NCOA1: variants seen among roughly 807,000 people sequenced by gnomAD.
The protein encoded by NCOA1 is Hin-2 protein.
NCOA1 carries 35 observed loss-of-function variants against 150.9 expected under a neutral mutation model. The ratio of observed to expected loss-of-function variants is 0.23; its 90% CI spans 0.18 to 0.31. The LOEUF is 0.31. Among genes scored for constraint, NCOA1 ranks in the 10% least tolerant of loss-of-function variants. The pLI, the probability that NCOA1 is intolerant of heterozygous loss-of-function variation, is 1.00. For synonymous variants in NCOA1, 590 were observed against 630.0 expected, an observed-to-expected ratio of 0.94 and a Z score of 0.95; for missense variants, 1,491 against 1,749.3, an observed-to-expected ratio of 0.85 and a Z score of 2.63.
intron 11 of NCOA1, among the ~76,000 whole-genome samples, chr2:24,703,208 A>G (rs1673251334): frequency 6.6e-6 from 1 of 152,214 alleles, no homozygotes; most frequent in South Asian, 2.1e-4. Flanking sequence ...CTTGTAAATG[A>G]CAGTGAGAGG....
In NCOA1 at chr2:24,759,781, G is replaced by C. The variant is rs1664689123; in HGVS notation, c.4065+1625G>C. On this transcript the variant is annotated intron_variant, in intron 21 of 22. Coordinates refer to ENST00000348332, the MANE Select transcript of NCOA1 (RefSeq NM_003743.5). ...ACATGAGGTGATATATGTATGTATA[G>C]AGGTATAATATAATGTATAGAGGTA... 2.0e-5 allele frequency among the ~76,000 whole-genome samples: 3 copies of C among 151,882 alleles called. No homozygotes were observed. In the South Asian group the frequency reaches 6.2e-4, roughly 32 times the overall value.
chr2:24,733,275 C>G (rs148895185), intron 17 of NCOA1, among the ~76,000 whole-genome samples: 94 of 152,218 alleles, frequency 6.2e-4, no homozygotes, highest in Middle Eastern at 3.4e-3. Context: ...TGCCTTAAAT[C>G]CTATTAAATA....
At chr2:24,735,267 T>G (rs574659339) in intron 17 of NCOA1, among the ~76,000 whole-genome samples, 3 of 152,178 alleles carry the variant, frequency 2.0e-5, no homozygotes, top group Non-Finnish European at 4.4e-5. Flanking sequence ...AAAGGACTAG[T>G]GTCCAGAATA....
intron 3 of NCOA1, among the ~76,000 whole-genome samples, chr2:24,615,018 T>C (rs1337757134): frequency 6.6e-6 from 1 of 152,226 alleles, no homozygotes; most frequent in African/African-American, 2.4e-5. Flanking sequence ...TTCAAGTTTA[T>C]ATAGCTAGTG....
intron 7 of NCOA1, chr2:24,676,363 C>T (rs992383468): frequency 6.6e-6 from 1 of 152,232 alleles, no homozygotes; most frequent in African/African-American, 2.4e-5. Flanking sequence ...AGAAGATTAT[C>T]ATGGCCTCTG....
intron 14 of NCOA1, among the ~76,000 whole-genome samples, chr2:24,719,793 A>G (rs1674266604): frequency 6.6e-6 from 1 of 152,142 alleles, no homozygotes; most frequent in Non-Finnish European, 1.5e-5. Context: ...CCAGAGAAGA[A>G]ATGAATTGAT....
intron 14 of NCOA1, among the ~76,000 whole-genome samples, chr2:24,716,308 A>G (rs966766539): frequency 5.3e-5 from 8 of 152,118 alleles, no homozygotes; most frequent in South Asian, 2.1e-4. Flanking sequence ...TAATACTTCT[A>G]TAAAGCACCA....
chr2:24,492,343 C>T (rs573718358), intron 1 of NCOA1, among the ~76,000 whole-genome samples: 1 of 152,288 alleles, frequency 6.6e-6, no homozygotes, highest in African/African-American at 2.4e-5. Flanking sequence ...AGAATTCGGG[C>T]CGCTCTCTAG....
At chr2:24,528,706 CA>C (rs1421545507) in intron 1 of NCOA1, among the ~76,000 whole-genome samples, 1 of 151,968 alleles carries the variant, frequency 6.6e-6, no homozygotes, top group Non-Finnish European at 1.5e-5. Context: ...TTAATAGATG[CA>C]AAAGAATGTA....
chr2:24,707,763 A>C lies in NCOA1; in HGVS notation c.2293A>C (p.Asn765His), dbSNP rs779928491. 1.1e-5 allele frequency: 18 copies of C among 1,614,208 alleles called. No individual in the cohort carries two copies. Among genetic ancestry groups the C allele is most frequent in the Non-Finnish European group, 1.2e-5 (14 of 1,180,036 alleles). Residue 765 changes from asparagine to histidine, a missense_variant, in exon 13 of 23, where the codon AAC becomes CAC. Around this residue, in one of 8 missense-constraint regions of NCOA1, gnomAD observed 703 missense variants for 717.7 expected, o/e 0.98. Transcript: ENST00000348332. Reference sequence around the variant, plus strand: ...TGAGAAAGATTTAAGATCAACTCCAAACCTGAGCCTGGATGATGTAAAGGT... The same window carrying C: ...TGAGAAAGATTTAAGATCAACTCCACACCTGAGCCTGGATGATGTAAAGGT... Reference protein sequence around the residue: ...KDEKDLRSTPNLSLDDVKVKV... With the variant: ...KDEKDLRSTPHLSLDDVKVKV...
chr2:24,603,463 T>A (rs1416219262), intron 3 of NCOA1, among the ~76,000 whole-genome samples: 1 of 152,246 alleles, frequency 6.6e-6, no homozygotes, highest in Non-Finnish European at 1.5e-5. Context: ...CAGTATATCT[T>A]CTTTCAAAAT....
chr2:24,717,636 A>G (rs1350793469), intron 14 of NCOA1, among the ~76,000 whole-genome samples: 1 of 152,194 alleles, frequency 6.6e-6, no homozygotes, highest in African/African-American at 2.4e-5. Context: ...TGTGTATGCA[A>G]TGACATGTAT....
At chr2:24,746,761 C>T (rs1663941244) in intron 19 of NCOA1, among the ~76,000 whole-genome samples, 1 of 152,162 alleles carries the variant, frequency 6.6e-6, no homozygotes, top group Non-Finnish European at 1.5e-5. Context: ...TGAAACCACT[C>T]TCTATGATAC....
At chr2:24,538,570 A>G (rs1665261625) in intron 1 of NCOA1, among the ~76,000 whole-genome samples, 1 of 152,202 alleles carries the variant, frequency 6.6e-6, no homozygotes, top group Non-Finnish European at 1.5e-5. Flanking sequence ...TTCTCTTAAA[A>G]TCTTTTCCAG....
chr2:24,557,505 C>T (rs1258746035), intron 1 of NCOA1, among the ~76,000 whole-genome samples: 2 of 151,292 alleles, frequency 1.3e-5, no homozygotes, highest in African/African-American at 2.4e-5. Flanking sequence ...CCTCCTCCTG[C>T]TCCTCCTCCT....
chr2:24,521,639 A>T (rs1664420775), intron 1 of NCOA1, among the ~76,000 whole-genome samples: 1 of 152,158 alleles, frequency 6.6e-6, no homozygotes, highest in Admixed American at 6.5e-5. Flanking sequence ...CCATCTTTGG[A>T]TACTTAGGTT....
intron 14 of NCOA1, among the ~76,000 whole-genome samples, chr2:24,722,197 ATGT>A (rs1674388474): frequency 2.0e-5 from 3 of 152,290 alleles, no homozygotes; most frequent in Admixed American, 2.0e-4. Flanking sequence ...GTTTCAAAAC[ATGT>A]TGTGTGTATG....
intron 11 of NCOA1, among the ~76,000 whole-genome samples, chr2:24,699,102 G>A (rs931467096): frequency 2.0e-5 from 3 of 152,136 alleles, no homozygotes; most frequent in Admixed American, 6.5e-5. Flanking sequence ...AACTAATGCC[G>A]TCCACTGGAT....
At chr2:24,619,468 G>A (rs1226699519) in intron 3 of NCOA1, among the ~76,000 whole-genome samples, 4 of 152,026 alleles carry the variant, frequency 2.6e-5, no homozygotes, top group South Asian at 4.1e-4. Flanking sequence ...TCTGACTAAC[G>A]AACTACTTCT....
Sources: gnomAD v4.1 joint callset for allele counts (sites outside exome capture counted in the v4.1 genomes callset) on GRCh38, gnomAD v4.1.1 for gene constraint, gnomAD v4.1.1 regional missense constraint, MANE v1.5 for transcripts, NCBI Gene and HGNC (gene_info 2026-07-23, HGNC 2026-07-21) for gene names.